PRKG1: variants seen among roughly 807,000 people sequenced by gnomAD.
PRKG1 encodes cGMP-dependent protein kinase 1.
Under a neutral mutation model 88.1 loss-of-function variants are expected in PRKG1, and 35 were observed. The observed-to-expected ratio is 0.40, with a 90% CI of 0.30 to 0.53. PRKG1 has a LOEUF of 0.53. Among genes scored for constraint, PRKG1 ranks in the 20% least tolerant of loss-of-function variants. PRKG1 has a pLI of 0.59. For missense variants in PRKG1, 540 were observed against 839.8 expected (o/e 0.64, Z 4.41); for synonymous variants, 303 against 292.5 (o/e 1.04, Z -0.37).
At chr10:52,009,929 C>T (rs1844838993) in intron 5 of PRKG1, among the ~76,000 whole-genome samples, 1 of 152,068 alleles carries the variant, frequency 6.6e-6, no homozygotes, top group African/African-American at 2.4e-5. Context: ...GGAAAGGACT[C>T]CCTATTCAAT....
chr10:52,293,955 G>C lies in PRKG1; in HGVS notation c.*55G>C. 1 of 1,439,868 alleles carries C rather than the reference G, an allele frequency of 6.9e-7. No homozygotes were observed. The highest frequency in any genetic ancestry group is 9.7e-7 in the Non-Finnish European group (1 of 1,027,898). The allele number at this position is 1,439,868 out of a possible 1,614,324, so 89.2% of individuals were successfully genotyped here. ...TGAAGACAGCTTTTTCTGAGACACA[G>C]CTGCCAGCAAACCTGAGGGAAAGAG... On this transcript the variant is annotated 3_prime_UTR_variant, in exon 18 of 18. Transcript: ENST00000373980.
At chr10:51,078,831 T>A (rs1448987765) in intron 1 of PRKG1, among the ~76,000 whole-genome samples, 1 of 151,950 alleles carries the variant, frequency 6.6e-6, no homozygotes, top group Non-Finnish European at 1.5e-5. Context: ...GTTACCAGGA[T>A]GGTCTTGATC....
chr10:51,946,679 G>A (rs1224617912), intron 5 of PRKG1, among the ~76,000 whole-genome samples: 2 of 152,094 alleles, frequency 1.3e-5, no homozygotes, highest in Non-Finnish European at 2.9e-5. Flanking sequence ...CCTCCTAAGA[G>A]ACAGGACCCT....
At chr10:51,600,370 T>G (rs937480071) in intron 3 of PRKG1, among the ~76,000 whole-genome samples, 1 of 152,174 alleles carries the variant, frequency 6.6e-6, no homozygotes, top group African/African-American at 2.4e-5. Flanking sequence ...CTCATTCAAA[T>G]TTTGAGAAGC....
At chr10:52,066,555 C>G (rs1466556959) in intron 7 of PRKG1, among the ~76,000 whole-genome samples, 1 of 152,058 alleles carries the variant, frequency 6.6e-6, no homozygotes, top group African/African-American at 2.4e-5. Flanking sequence ...ATTTGCCTGG[C>G]AGTGGATAGG....
chr10:51,486,880 C>T (rs376491329), intron 3 of PRKG1, among the ~76,000 whole-genome samples: 21 of 151,956 alleles, frequency 1.4e-4, no homozygotes, highest in African/African-American at 3.6e-4. Flanking sequence ...TTCTACAGTG[C>T]GGTAGTTATT....
At chr10:51,575,797 A>G (rs1457679254) in intron 3 of PRKG1, among the ~76,000 whole-genome samples, 1 of 151,948 alleles carries the variant, frequency 6.6e-6, no homozygotes, top group African/African-American at 2.4e-5. Context: ...GACCTATAAT[A>G]TATTAATTCT....
At chr10:52,187,622 T>A (rs1380569940) in intron 9 of PRKG1, among the ~76,000 whole-genome samples, 11 of 152,210 alleles carry the variant, frequency 7.2e-5, no homozygotes, top group Admixed American at 7.2e-4. Context: ...CTTTTAAAAA[T>A]AAAGGGCATG....
chr10:51,578,461 A>G (rs1335235484), intron 3 of PRKG1, among the ~76,000 whole-genome samples: 1 of 152,110 alleles, frequency 6.6e-6, no homozygotes, highest in East Asian at 1.9e-4. Flanking sequence ...GTCCGTCATG[A>G]CTGGATTTTT....
intron 1 of PRKG1, among the ~76,000 whole-genome samples, chr10:51,146,372 A>G (rs1354988632): frequency 6.6e-6 from 1 of 151,780 alleles, no homozygotes; most frequent in African/African-American, 2.4e-5. Context: ...GGCCATTTGT[A>G]TGTCTTCTTT....
chr10:51,061,425 G>A (rs1187256452), intron 1 of PRKG1, among the ~76,000 whole-genome samples: 2 of 152,114 alleles, frequency 1.3e-5, no homozygotes, highest in Non-Finnish European at 1.5e-5. Flanking sequence ...AGATTTGGGT[G>A]GGAACTCAGC....
intron 1 of PRKG1, among the ~76,000 whole-genome samples, chr10:51,076,775 C>A (rs866684156): frequency 1.3e-5 from 2 of 152,158 alleles, no homozygotes; most frequent in African/African-American, 4.8e-5. Flanking sequence ...GAAAATAAAG[C>A]TGGTGTGGCA....
intron 7 of PRKG1, among the ~76,000 whole-genome samples, chr10:52,073,236 G>A (rs919590504): frequency 6.6e-6 from 1 of 152,146 alleles, no homozygotes; most frequent in Non-Finnish European, 1.5e-5. Context: ...CCCTGATCCA[G>A]TATGGCAGCA....
Position 51,153,315 on chromosome 10 carries a change from G to T in PRKG1, c.463G>T (p.Val155Leu). The T allele has an allele frequency of 2.5e-6, 4 of 1,608,890 alleles. No individual in the cohort carries two copies. Among genetic ancestry groups the T allele is most frequent in the East Asian group, 2.2e-5 (1 of 44,610 alleles). The change falls in exon 2 of 18, where the codon GTG becomes TTG. Residue 155 changes from valine to leucine, a missense_variant. This residue lies in a region of PRKG1 where 400 missense variants were observed against 562.7 expected (regional missense o/e 0.71). Coordinates refer to ENST00000373980, the MANE Select transcript of PRKG1 (RefSeq NM_006258.4). ...CAAAGAAGGAGACGTGGGGTCACTG[G>T]TGTATGTCATGGAAGGTACGGTTTG... Reference protein sequence around the residue: ...IIKEGDVGSLVYVMEDGKVEV... With the variant: ...IIKEGDVGSLLYVMEDGKVEV...
chr10:51,409,429 G>A lies in PRKG1; in HGVS notation c.479-58294G>A, dbSNP rs149629449. On this transcript the variant is annotated intron_variant, in intron 2 of 17. Coordinates refer to ENST00000373980, the MANE Select transcript of PRKG1 (RefSeq NM_006258.4). ...CCGTTCGATGATTGAATGCTGCTGC[G>A]CACAACCCGCTTTATGGCTAGATGG... Among the ~76,000 whole-genome samples, 27 of 152,246 alleles carry A rather than the reference G, an allele frequency of 1.8e-4. No homozygotes were observed. In the East Asian group the frequency reaches 3.9e-3, roughly 22 times the overall value.
In PRKG1 at chr10:51,194,069, G is replaced by A. The variant is rs115459769; in HGVS notation, c.478+40739G>A. Among the ~76,000 whole-genome samples the A allele has an allele frequency of 5.6e-3, 859 of 152,148 alleles. 12 individuals carry two copies. The highest frequency in any genetic ancestry group is 0.019 in the African/African-American group (787 of 41,522). Reference sequence around the variant, plus strand: ...AATTCAAATTCATTAATTTCAAATTGTTTTTCATATCTCTTAACTATGTTA... The same window carrying A: ...AATTCAAATTCATTAATTTCAAATTATTTTTCATATCTCTTAACTATGTTA... On this transcript the variant is annotated intron_variant, in intron 2 of 17. Coordinates refer to ENST00000373980, the MANE Select transcript of PRKG1 (RefSeq NM_006258.4).
chr10:51,150,041 A>G (rs1432127931), intron 1 of PRKG1, among the ~76,000 whole-genome samples: 4 of 152,188 alleles, frequency 2.6e-5, no homozygotes, highest in African/African-American at 9.7e-5. Context: ...CATGAAAGAA[A>G]AAGATTTTTA....
chr10:51,047,573 T>G (rs1414108550), intron 1 of PRKG1, among the ~76,000 whole-genome samples: 1 of 144,288 alleles, frequency 6.9e-6, no homozygotes, highest in Non-Finnish European at 1.5e-5. Context: ...AGTAGTAATT[T>G]AAAGGTGACA....
At chr10:51,696,333 G>A (rs1192915440) in intron 3 of PRKG1, 1 of 151,730 alleles carries the variant, frequency 6.6e-6, no homozygotes, top group East Asian at 1.9e-4. Flanking sequence ...CCAAGAAACT[G>A]AGAGTTTTAC....
Sources: gnomAD v4.1 joint callset for allele counts (sites outside exome capture counted in the v4.1 genomes callset) on GRCh38, gnomAD v4.1.1 for gene constraint, gnomAD v4.1.1 regional missense constraint, MANE v1.5 for transcripts, NCBI Gene and HGNC (gene_info 2026-07-23, HGNC 2026-07-21) for gene names.